Variants in NFIL3 observed in about 807,000 individuals in gnomAD.
NFIL3 encodes the protein nuclear factor interleukin-3-regulated protein.
NFIL3 carries 5 observed loss-of-function variants against 10.0 expected under a neutral mutation model. That is an observed-to-expected ratio of 0.50 (90% confidence interval 0.26 to 1.06). NFIL3 has a LOEUF of 1.06. Ranked by LOEUF, NFIL3 falls within the 50% of genes least tolerant of loss-of-function variation. The pLI, the probability that NFIL3 is intolerant of heterozygous loss-of-function variation, is 0.13. For missense variants in NFIL3, 436 were observed against 547.6 expected (o/e 0.80, Z 2.03); for synonymous variants, 202 against 206.5 (o/e 0.98, Z 0.19).
chr9:91,426,469 T>G (rs1833875096), upstream of NFIL3: 1 of 151,706 alleles, frequency 6.6e-6, no homozygotes, highest in Non-Finnish European at 1.5e-5. Flanking sequence ...TTAACCAGGG[T>G]GGGGAGGCTT....
At chr9:91,457,352 C>G in the NFIL3 span, among the ~76,000 whole-genome samples, 1 of 151,946 alleles carries the variant, frequency 6.6e-6, no homozygotes, top group African/African-American at 2.4e-5. Context: ...AAGCTGTAAA[C>G]ACTTGTTATC....
the NFIL3 span, among the ~76,000 whole-genome samples, chr9:91,464,484 A>G: frequency 6.6e-6 from 1 of 152,190 alleles, no homozygotes; most frequent in African/African-American, 2.4e-5. Context: ...CATTTCATTT[A>G]TACATATGCC....
the NFIL3 span, among the ~76,000 whole-genome samples, chr9:91,455,659 T>C: frequency 2.0e-5 from 3 of 152,202 alleles, no homozygotes; most frequent in Non-Finnish European, 2.9e-5. Flanking sequence ...TGATGTGTAA[T>C]TGAATAATTG....
the NFIL3 span, among the ~76,000 whole-genome samples, chr9:91,479,867 C>G: frequency 1.3e-5 from 2 of 152,194 alleles, no homozygotes; most frequent in Non-Finnish European, 2.9e-5. Context: ...CACTGTCCCT[C>G]ATGGCACAGT....
the NFIL3 span, among the ~76,000 whole-genome samples, chr9:91,456,056 T>C: frequency 6.6e-6 from 1 of 152,322 alleles, no homozygotes; most frequent in Admixed American, 6.5e-5. Context: ...CTTGTTTCTT[T>C]CATTAGTATA....
At chr9:91,437,431 A>G in the NFIL3 span, among the ~76,000 whole-genome samples, 1 of 152,238 alleles carries the variant, frequency 6.6e-6, no homozygotes, top group African/African-American at 2.4e-5. Flanking sequence ...GGATACATGT[A>G]GATAGTAAAA....
At chr9:91,426,952 T>C (rs1037858013), upstream of NFIL3, 2 of 152,188 alleles carry the variant, frequency 1.3e-5, no homozygotes, top group East Asian at 3.9e-4. Flanking sequence ...ATTCAGGACG[T>C]TAGCCACACG....
chr9:91,474,503 C>G, the NFIL3 span, among the ~76,000 whole-genome samples: 3 of 152,090 alleles, frequency 2.0e-5, no homozygotes, highest in African/African-American at 7.2e-5. Flanking sequence ...TCTGTCTCTT[C>G]CTATTTTGGG....
At chr9:91,462,278 T>G in the NFIL3 span, among the ~76,000 whole-genome samples, 6 of 152,190 alleles carry the variant, frequency 3.9e-5, no homozygotes, top group African/African-American at 1.4e-4. Context: ...TGGACATCCT[T>G]GCCTTATTCC....
intron 1 of NFIL3, among the ~76,000 whole-genome samples, chr9:91,421,897 T>C (rs1833777669): frequency 6.6e-6 from 1 of 152,236 alleles, no homozygotes; most frequent in African/African-American, 2.4e-5. Flanking sequence ...ATAATCACTA[T>C]GTAACAGTCC....
At chr9:91,473,579 G>A in the NFIL3 span, among the ~76,000 whole-genome samples, 5 of 152,352 alleles carry the variant, frequency 3.3e-5, no homozygotes, top group Admixed American at 6.5e-5. Flanking sequence ...CACTATTAGG[G>A]CGGGAGTGTC....
Position 91,409,632 on chromosome 9 carries a change from T to C in NFIL3, c.1103A>G (p.His368Arg), listed in dbSNP as rs766580057. ...AGAATGTACCATACTTGGGGCACTA[T>C]GCTTTTCGAGTTCGAAATGTCTTTT... Reference protein sequence around the residue: ...TSKRHFELEKHSAPSMVHSSL... With the variant: ...TSKRHFELEKRSAPSMVHSSL... The change falls in exon 2 of 2, where the codon CAT becomes CGT. Residue 368 changes from histidine to arginine, a missense_variant. Physicochemically the swap from His to Arg is conservative, Grantham distance 29 (BLOSUM62 0). Around this residue, in one of 3 missense-constraint regions of NFIL3, gnomAD observed 338 missense variants for 399.9 expected, o/e 0.85. Coordinates refer to ENST00000297689, the MANE Select transcript of NFIL3 (RefSeq NM_005384.3). The C allele has an allele frequency of 6.2e-7, 1 of 1,614,242 alleles. No individual in the cohort carries two copies.
In NFIL3 at chr9:91,409,983, G is replaced by T; in HGVS notation, c.752C>A (p.Ser251Tyr). Residue 251 changes from serine to tyrosine, a missense_variant, in exon 2 of 2, where the codon TCT becomes TAT. Physicochemically the swap from Ser to Tyr is moderately radical, Grantham distance 144 (BLOSUM62 -2). This residue lies in a region of NFIL3 where 338 missense variants were observed against 399.9 expected (regional missense o/e 0.85). Transcript: ENST00000297689. ...GGGAGAGTGTGAGTACCCAGAGAAA[G>T]AATTCCCCATATAGTTTTGATAGAT... ...ASIYQNYMGN[S>Y]FSGYSHSPPL... The T allele has an allele frequency of 1.2e-6, 2 of 1,613,336 alleles. No homozygotes were observed. Among genetic ancestry groups the T allele is most frequent in the Non-Finnish European group, 1.7e-6 (2 of 1,180,022 alleles).
chr9:91,453,175 G>T, the NFIL3 span, among the ~76,000 whole-genome samples: 1 of 152,018 alleles, frequency 6.6e-6, no homozygotes, highest in Non-Finnish European at 1.5e-5. Context: ...TCTTCCTGTG[G>T]CTTCACATGG....
At chr9:91,440,432 T>C in the NFIL3 span, among the ~76,000 whole-genome samples, 1 of 152,082 alleles carries the variant, frequency 6.6e-6, no homozygotes, top group Non-Finnish European at 1.5e-5. Flanking sequence ...TTTTTAAATT[T>C]TGTTTACTTT....
the NFIL3 span, among the ~76,000 whole-genome samples, chr9:91,430,678 C>G: frequency 2.0e-4 from 31 of 152,218 alleles, no homozygotes; most frequent in East Asian, 5.8e-3. Context: ...CAGGGTCTTG[C>G]TCTGTTGCCC....
the NFIL3 span, among the ~76,000 whole-genome samples, chr9:91,473,993 G>A: frequency 6.6e-6 from 1 of 152,098 alleles, no homozygotes; most frequent in Non-Finnish European, 1.5e-5. Context: ...TTGAATAGGA[G>A]TGGTGAGAGG....
chr9:91,431,287 T>C, the NFIL3 span, among the ~76,000 whole-genome samples: 1 of 151,688 alleles, frequency 6.6e-6, no homozygotes, highest in Non-Finnish European at 1.5e-5. Context: ...ACTCTAGAGC[T>C]GGGTGGCCAT....
At chr9:91,448,249 C>A in the NFIL3 span, among the ~76,000 whole-genome samples, 11 of 152,186 alleles carry the variant, frequency 7.2e-5, no homozygotes, top group South Asian at 1.7e-3. Context: ...GGGTAACTTA[C>A]TTTAAAAAAA....
Sources: allele counts gnomAD v4.1 joint callset (sites outside exome capture counted in the v4.1 genomes callset), GRCh38; gene constraint gnomAD v4.1.1; regional missense constraint gnomAD v4.1.1; transcripts MANE v1.5; gene names NCBI Gene and HGNC (gene_info 2026-07-23, HGNC 2026-07-21).